The following PTPN12 variants were observed in gnomAD, a reference collection of about 807,000 sequenced individuals.
The protein encoded by PTPN12 is protein tyrosine phosphatase non-receptor type 12, also known as tyrosine-protein phosphatase non-receptor type 12.
PTPN12 carries 29 observed loss-of-function variants against 97.6 expected under a neutral mutation model. The ratio of observed to expected loss-of-function variants is 0.30; its 90% confidence interval spans 0.22 to 0.41. The LOEUF (loss-of-function observed/expected upper bound fraction) is 0.41, where lower values mean the gene tolerates loss of function less well. Among genes scored for constraint, PTPN12 ranks in the 10% least tolerant of loss-of-function variants. The pLI is 1.00. For synonymous variants in PTPN12, 327 were observed against 300.4 expected (o/e 1.09, Z -0.91); for missense variants, 819 against 926.0 (o/e 0.88, Z 1.50).
chr7:77,575,646 C>T (rs1475009727), intron 2 of PTPN12, among the ~76,000 whole-genome samples: 3 of 152,046 alleles, frequency 2.0e-5, no homozygotes, highest in Non-Finnish European at 4.4e-5. Flanking sequence ...TTTAATTGTG[C>T]AATTCAATGA....
At position 77,627,246 on chromosome 7, in the gene PTPN12, C is replaced by A. The variant is rs751433109; in HGVS notation, c.1567C>A (p.Pro523Thr). The A allele has an allele frequency of 6.2e-7, 1 of 1,614,126 alleles. No homozygotes were observed. Among genetic ancestry groups the A allele is most frequent in the Non-Finnish European group, 8.5e-7 (1 of 1,179,972 alleles). Residue 523 changes from proline (P) to threonine (T), a missense_variant, in exon 13 of 18, where the codon CCA becomes ACA. Transcript: ENST00000248594. ...ESQNSDTPPR[P>T]DRLPLDEKGH... ...CCAGAATTCAGACACACCTCCAAGG[C>A]CAGACCGCTTGCCTCTTGATGAGAA...
intron 3 of PTPN12, among the ~76,000 whole-genome samples, chr7:77,582,081 G>GTTTTTTTTTTTTTT (rs1237836254): frequency 1.3e-5 from 1 of 74,338 alleles, no homozygotes; most frequent in Non-Finnish European, 2.7e-5. Context: ...AAGCAGTCAA[G>GTTTTTTTTTTTTTT]TTCTTTTTTT....
At chr7:77,590,397 T>G (rs1182588472) in intron 5 of PTPN12, among the ~76,000 whole-genome samples, 1 of 152,174 alleles carries the variant, frequency 6.6e-6, no homozygotes, top group Non-Finnish European at 1.5e-5. Flanking sequence ...AAAAAATGTT[T>G]TTTAAACTCT....
rs548168706 is a variant in PTPN12 at position 77,615,934 on chromosome 7, G to A, written c.940-2546G>A. On this transcript the variant is annotated intron_variant, in intron 11 of 17. Transcript: ENST00000248594. Reference sequence around the variant, plus strand: ...GCTGTTTAGGTAGTGGCTCTTTATCGAATTGCAGTTCTGCATTGTCACATT... The same window carrying A: ...GCTGTTTAGGTAGTGGCTCTTTATCAAATTGCAGTTCTGCATTGTCACATT... Among the ~76,000 whole-genome samples the A allele has an allele frequency of 6.6e-5, 10 of 152,240 alleles. No individual in the cohort carries two copies. In the South Asian group the frequency reaches 1.5e-3, roughly 22 times the overall value.
At chr7:77,552,063 G>A (rs946168538) in intron 1 of PTPN12, among the ~76,000 whole-genome samples, 2 of 152,152 alleles carry the variant, frequency 1.3e-5, no homozygotes, top group Non-Finnish European at 2.9e-5. Context: ...ATTAGATGGT[G>A]CACAAAAGTA....
Position 77,625,472 on chromosome 7 carries a change from G to GCTCGCGCGCTCTCTCTCTCTCTCTCTCT in PTPN12, c.1026-1230_1026-1229insGCGCGCTCTCTCTCTCTCTCTCTCTCTC. On this transcript the variant is annotated intron_variant, in intron 12 of 17. Transcript: ENST00000248594. ...TTTTGCCATATTGCCCAGGCTGCTC[G>GCTCGCGCGCTCTCTCTCTCTCTCTCTCT]CTCTCTCTCTCTCTCTCTCTCTCTC... Among the ~76,000 whole-genome samples, 46 of 33,520 alleles carry GCTCGCGCGCTCTCTCTCTCTCTCTCTCT rather than the reference G, an allele frequency of 1.4e-3. 5 individuals carry two copies. Among genetic ancestry groups the GCTCGCGCGCTCTCTCTCTCTCTCTCTCT allele is most frequent in the African/African-American group, 2.9e-3 (22 of 7,526 alleles). The allele number at this position is 33,520 out of a possible 152,430, so 22.0% of individuals were successfully genotyped here. A position where few individuals can be genotyped will look rare whatever the true frequency, so the allele number is the denominator to read the frequency against.
intron 1 of PTPN12, among the ~76,000 whole-genome samples, chr7:77,566,720 T>A (rs1808277460): frequency 6.6e-6 from 1 of 152,186 alleles, no homozygotes; most frequent in South Asian, 2.1e-4. Context: ...TGAGTCCCTG[T>A]CTCAATAAAG....
chr7:77,613,671 A>G (rs1458211538), intron 11 of PTPN12, among the ~76,000 whole-genome samples: 2 of 151,954 alleles, frequency 1.3e-5, no homozygotes, highest in African/African-American at 2.4e-5. Flanking sequence ...CCTGGGCAAC[A>G]TGGCAAAACC....
At chr7:77,626,050 T>C (rs1789169102) in intron 12 of PTPN12, among the ~76,000 whole-genome samples, 1 of 152,132 alleles carries the variant, frequency 6.6e-6, no homozygotes, top group Non-Finnish European at 1.5e-5. Flanking sequence ...AGGCCAAAAG[T>C]TACTAACAAG....
intron 12 of PTPN12, among the ~76,000 whole-genome samples, chr7:77,622,522 C>G (rs922751795): frequency 1.3e-5 from 2 of 152,122 alleles, no homozygotes; most frequent in Non-Finnish European, 2.9e-5. Flanking sequence ...GTAATCCCAG[C>G]ACTTTGGGAG....
In PTPN12 at chr7:77,627,212, A is replaced by T; in HGVS notation, c.1533A>T (p.Pro511=). 6.2e-7 allele frequency: 1 copy of T among 1,614,182 alleles called. No homozygotes were observed. The highest frequency in any genetic ancestry group is 8.5e-7 in the Non-Finnish European group (1 of 1,180,016). ...TQSNKVSVTP[P]EESQNSDTPP... is the part of the protein sequence containing the mutation. ...CAAACAAAGTTTCAGTTACTCCACC[A>T]GAAGAATCCCAGAATTCAGACACAC... The change falls in exon 13 of 18, where the codon CCA becomes CCT. Residue 511 remains proline, a synonymous_variant. Coordinates refer to ENST00000248594, the MANE Select transcript of PTPN12 (RefSeq NM_002835.4).
intron 5 of PTPN12, among the ~76,000 whole-genome samples, chr7:77,591,172 T>C (rs1337662159): frequency 6.6e-6 from 1 of 152,266 alleles, no homozygotes; most frequent in Non-Finnish European, 1.5e-5. Context: ...TTTGTTTCTC[T>C]GTGAGCATTA....
At chr7:77,633,985 T>G (rs2151407080) in intron 14 of PTPN12, among the ~76,000 whole-genome samples, 1 of 152,300 alleles carries the variant, frequency 6.6e-6, no homozygotes, top group Admixed American at 6.5e-5. Flanking sequence ...ACCACGCCAT[T>G]GCATTCCAGC....
In PTPN12 at chr7:77,627,185, A is replaced by G. The variant is rs201416637; in HGVS notation, c.1506A>G (p.Gln502=). The G allele has an allele frequency of 1.4e-5, 23 of 1,614,188 alleles. No homozygotes were observed. Among genetic ancestry groups the G allele is most frequent in the Admixed American group, 6.7e-5 (4 of 60,024 alleles). The change falls in exon 13 of 18, where the codon CAA becomes CAG. Residue 502 remains glutamine (Q), a synonymous_variant. Coordinates refer to ENST00000248594, the MANE Select transcript of PTPN12 (RefSeq NM_002835.4). ...CTTGTGTGGACTGCAGTGTAACACA[A>G]TCAAACAAAGTTTCAGTTACTCCAC... ...QNSCVDCSVT[Q]SNKVSVTPPE...
chr7:77,580,250 C>T (rs1262826754), intron 2 of PTPN12, among the ~76,000 whole-genome samples: 3 of 152,164 alleles, frequency 2.0e-5, no homozygotes, highest in African/African-American at 7.2e-5. Flanking sequence ...GATCTGTAGT[C>T]CAGGAGTTTT....
chr7:77,571,157 A>C lies in PTPN12; in HGVS notation c.179A>C (p.Lys60Thr), dbSNP rs1217578723. 6.2e-7 allele frequency: 1 copy of C among 1,602,286 alleles called. No homozygotes were observed. Among genetic ancestry groups the C allele is most frequent in the Admixed American group, 1.7e-5 (1 of 58,564 alleles). ...ACTGGAGAAAAAGAAGAAAATGTTA[A>C]AAAGAACAGATACAAGGACATACTG... ...TATGEKEENV[K>T]KNRYKDILPF... is the part of the protein sequence containing the mutation. Residue 60 changes from lysine to threonine, a missense_variant, in exon 2 of 18, where the codon AAA becomes ACA. Physicochemically the swap from Lys to Thr is moderately conservative, Grantham distance 78. Coordinates refer to ENST00000248594, the MANE Select transcript of PTPN12 (RefSeq NM_002835.4).
chr7:77,636,477 G>A (rs763738887), intron 15 of PTPN12, among the ~76,000 whole-genome samples: 17 of 152,184 alleles, frequency 1.1e-4, no homozygotes, highest in East Asian at 9.7e-4. Context: ...AGCTTTTTGG[G>A]AGGCTGAGAT....
At chr7:77,563,595 A>G (rs546516410) in intron 1 of PTPN12, among the ~76,000 whole-genome samples, 1 of 152,336 alleles carries the variant, frequency 6.6e-6, no homozygotes, top group East Asian at 1.9e-4. Context: ...AGTGAAGCAT[A>G]CATTTTGACA....
intron 8 of PTPN12, among the ~76,000 whole-genome samples, chr7:77,603,989 T>C (rs571861544): frequency 7.3e-6 from 1 of 137,486 alleles, no homozygotes; most frequent in East Asian, 2.3e-4. Flanking sequence ...CCTGGGTTCA[T>C]GCGATTCTCC....
Sources: gnomAD v4.1 joint callset for allele counts (sites outside exome capture counted in the v4.1 genomes callset) on GRCh38, gnomAD v4.1.1 for gene constraint, MANE v1.5 for transcripts, NCBI Gene and HGNC (gene_info 2026-07-23, HGNC 2026-07-21) for gene names.